Variants in FKBP5 observed in about 807,000 individuals in gnomAD.
FKBP5 encodes FKBP prolyl isomerase 5.
FKBP5 carries 23 observed loss-of-function variants against 50.5 expected under a neutral mutation model. That is an observed-to-expected ratio of 0.46 (90% CI 0.33 to 0.65). The LOEUF is 0.65. Ranked by LOEUF, FKBP5 falls within the 30% of genes least tolerant of loss-of-function variation. The pLI, the probability that FKBP5 is intolerant of heterozygous loss-of-function variation, is 0.02. For missense variants in FKBP5, 411 were observed against 553.1 expected (o/e 0.74, Z 2.58); for synonymous variants, 176 against 190.6 (o/e 0.92, Z 0.63).
At position 35,674,960 on chromosome 6, in the gene FKBP5, A is replaced by AT. The variant is rs1403287653; in HGVS notation, c.-20+13843dup. 2.6e-5 allele frequency among the ~76,000 whole-genome samples: 4 copies of AT among 152,320 alleles called. No individual in the cohort carries two copies. The East Asian group carries it at 7.7e-4, about 29-fold the overall frequency. ...CTGAGAGCAGGATCATGTCCTGTTC[A>AT]TTTTGTTAACCCTACTTAGAACCTA... On this transcript the variant is annotated intron_variant, in intron 1 of 10. Transcript: ENST00000357266.
At chr6:35,713,700 G>A (rs1766457861) in intron 2 of FKBP5, among the ~76,000 whole-genome samples, 1 of 152,140 alleles carries the variant, frequency 6.6e-6, no homozygotes, top group Non-Finnish European at 1.5e-5. Flanking sequence ...TGCTCAATTT[G>A]CATAAAGGGT....
intron 1 of FKBP5, among the ~76,000 whole-genome samples, chr6:35,645,537 C>A (rs1007801781): frequency 6.6e-6 from 1 of 152,156 alleles, no homozygotes; most frequent in Non-Finnish European, 1.5e-5. Flanking sequence ...AATCAGTGAT[C>A]CTTGGCTGGA....
In FKBP5 at chr6:35,580,090, G is replaced by C. The variant is rs200659828; in HGVS notation, c.972C>G (p.Ala324=). ...SFLLAAFLNL[A]MCYLKLREYT... is the part of the protein sequence containing the mutation. ...ATTCTCTAAGCTTCAGGTAGCACATGGCCAGGTTCAGAAAGGCAGCAAGGA... is the reference window on the plus strand; with the variant it reads ...ATTCTCTAAGCTTCAGGTAGCACATCGCCAGGTTCAGAAAGGCAGCAAGGA... The change falls in exon 9 of 11, where the codon GCC becomes GCG. Residue 324 remains alanine (A), a synonymous_variant. Transcript: ENST00000357266. 60 of 1,614,078 alleles carry C rather than the reference G, an allele frequency of 3.7e-5. No homozygotes were observed. The Admixed American group carries it at 6.5e-4, about 17-fold the overall frequency.
At chr6:35,701,918 G>A (rs564441601) in intron 2 of FKBP5, among the ~76,000 whole-genome samples, 1 of 151,664 alleles carries the variant, frequency 6.6e-6, no homozygotes, top group East Asian at 2.0e-4. Flanking sequence ...CATGATTTCG[G>A]CTCACTGCAA....
intron 2 of FKBP5, among the ~76,000 whole-genome samples, chr6:35,717,713 G>A (rs2766533): frequency 0.41 from 61,839 of 152,042 alleles, 13,236 homozygotes; most frequent in Non-Finnish European, 0.48. Flanking sequence ...ATTTCTGCCC[G>A]GGTGTTTGTG....
chr6:35,635,257 A>G (rs966639892), intron 3 of FKBP5, among the ~76,000 whole-genome samples: 11 of 151,994 alleles, frequency 7.2e-5, no homozygotes, highest in African/African-American at 2.7e-4. Context: ...ATCTTGCTTG[A>G]ACCTCGGAAG....
intron 5 of FKBP5, among the ~76,000 whole-genome samples, chr6:35,611,917 C>T (rs763756138): frequency 2.0e-4 from 30 of 152,062 alleles, no homozygotes; most frequent in South Asian, 6.3e-4. Flanking sequence ...CAGTAAAAAC[C>T]TTTTTGAGTC....
intron 5 of FKBP5, among the ~76,000 whole-genome samples, chr6:35,605,690 A>G (rs1352479977): frequency 4.0e-5 from 6 of 151,876 alleles, no homozygotes; most frequent in African/African-American, 1.5e-4. Flanking sequence ...GAACCACTGC[A>G]CCCAGCCGTC....
intron 1 of FKBP5, among the ~76,000 whole-genome samples, chr6:35,669,327 C>A (rs952823721): frequency 6.6e-5 from 10 of 152,248 alleles, no homozygotes; most frequent in Admixed American, 4.6e-4. Context: ...TGAATACATA[C>A]AATAATCTGT....
chr6:35,612,549 C>T (rs933941774), intron 5 of FKBP5, among the ~76,000 whole-genome samples: 155 of 152,324 alleles, frequency 1.0e-3, no homozygotes, highest in African/African-American at 3.3e-3. Flanking sequence ...TCCATTCTCA[C>T]GCTGCCATGA....
chr6:35,689,200 C>T (rs1361239692), upstream of FKBP5, among the ~76,000 whole-genome samples: 7 of 152,232 alleles, frequency 4.6e-5, no homozygotes, highest in Non-Finnish European at 1.0e-4. Flanking sequence ...CTGACACCCC[C>T]TCACATCTCT....
At chr6:35,611,890 A>T (rs945846386) in intron 5 of FKBP5, among the ~76,000 whole-genome samples, 7 of 152,242 alleles carry the variant, frequency 4.6e-5, no homozygotes, top group African/African-American at 1.7e-4. Flanking sequence ...ATGAAAAGGA[A>T]GTAAAAGTTT....
At chr6:35,700,375 AC>A (rs1219293870) in intron 2 of FKBP5, among the ~76,000 whole-genome samples, 1 of 152,132 alleles carries the variant, frequency 6.6e-6, no homozygotes, top group African/African-American at 2.4e-5. Context: ...AAGTGGCACA[AC>A]ATCACTACCA....
At chr6:35,727,296 C>A (rs1766734452) in intron 1 of FKBP5, among the ~76,000 whole-genome samples, 1 of 152,152 alleles carries the variant, frequency 6.6e-6, no homozygotes, top group African/African-American at 2.4e-5. Context: ...ATCTTTAGGA[C>A]CAGCACTTAG....
chr6:35,704,024 C>T (rs754066386), intron 2 of FKBP5, among the ~76,000 whole-genome samples: 2 of 152,208 alleles, frequency 1.3e-5, no homozygotes, highest in African/African-American at 2.4e-5. Context: ...TCCCTCCCAA[C>T]GATTCTGTGA....
At chr6:35,674,881 C>T (rs184753991) in intron 1 of FKBP5, among the ~76,000 whole-genome samples, 2 of 152,350 alleles carry the variant, frequency 1.3e-5, no homozygotes, top group East Asian at 3.9e-4. Context: ...TCCTTTGCCA[C>T]TTACCATTGG....
intron 2 of FKBP5, among the ~76,000 whole-genome samples, chr6:35,717,661 T>C (rs777453249): frequency 1.2e-4 from 18 of 152,178 alleles, no homozygotes; most frequent in Non-Finnish European, 2.4e-4. Context: ...GGTCTGGACA[T>C]GGCTGTGGGA....
intron 5 of FKBP5, among the ~76,000 whole-genome samples, chr6:35,617,502 A>C (rs79285437): frequency 0.084 from 12,814 of 152,092 alleles, 1,171 homozygotes; most frequent in African/African-American, 0.23. Context: ...CTTTTGAAAT[A>C]ATTATTTTAA....
intron 1 of FKBP5, among the ~76,000 whole-genome samples, chr6:35,656,055 C>A (rs965592279): frequency 6.6e-6 from 1 of 152,068 alleles, no homozygotes; most frequent in African/African-American, 2.4e-5. Flanking sequence ...ACAGAAAAAC[C>A]CAAAAGTTTT....
Sources: allele counts gnomAD v4.1 joint callset (sites outside exome capture counted in the v4.1 genomes callset), GRCh38; gene constraint gnomAD v4.1.1; transcripts MANE v1.5; gene names NCBI Gene and HGNC (gene_info 2026-07-23, HGNC 2026-07-21).